RFPL4B: variants seen among roughly 807,000 people sequenced by gnomAD.
The protein encoded by RFPL4B is ret finger protein like 4B.
For missense variants in RFPL4B, 314 were observed against 327.7 expected (o/e 0.96, Z 0.32); for synonymous variants, 118 against 126.3 (o/e 0.93, Z 0.44).
At chr6:112,347,800 C>T (rs920583444) in intron 1 of RFPL4B, among the ~76,000 whole-genome samples, 2 of 152,124 alleles carry the variant, frequency 1.3e-5, no homozygotes, top group Non-Finnish European at 2.9e-5. Context: ...ATGGTGAAAC[C>T]CCGTCTCTAC....
chr6:112,349,361 A>C (rs1054269037), intron 2 of RFPL4B, 40 bp downstream of exon 2: 1 of 152,776 alleles, frequency 6.5e-6, no homozygotes, highest in African/African-American at 2.4e-5. Flanking sequence ...CCACTGTCCT[A>C]TTTCTGTCTT....
Position 112,349,823 on chromosome 6 carries a change from A to G in RFPL4B, c.115A>G (p.Ile39Val). The G allele has an allele frequency of 1.2e-6, 2 of 1,614,194 alleles. No homozygotes were observed. The highest frequency in any genetic ancestry group is 1.7e-6 in the Non-Finnish European group (2 of 1,180,028). The change falls in exon 3 of 3, where the codon ATA becomes GTA. Residue 39 changes from isoleucine to valine, a missense_variant. Ile to Val is a conservative substitution (Grantham distance 29). Coordinates refer to ENST00000441065, the MANE Select transcript of RFPL4B (RefSeq NM_001013734.3). ...CTGCTTTGATTGCATCCAGAGGTAT[A>G]TACTAGAAAACCATGATTTTAGAGC... The part of the protein sequence containing the change: ...VFCFDCIQRY[I>V]LENHDFRAMC...
In RFPL4B at chr6:112,349,598, A is replaced by T; in HGVS notation, c.-105-6A>T. On this transcript the variant is annotated splice_polypyrimidine_tract_variant and splice_region_variant and intron_variant, in intron 2 of 2. Transcript: ENST00000441065. ...ATTAATTTATATTATTTAATCTTGG[A>T]TTTAGACTATTGAAGAGTGGATTGT... 1.7e-6 allele frequency: 1 copy of T among 598,730 alleles called. No individual in the cohort carries two copies. Among genetic ancestry groups the T allele is most frequent in the South Asian group, 3.4e-5 (1 of 29,202 alleles). The allele number at this position is 598,730 out of a possible 1,614,324, so 37.1% of individuals were successfully genotyped here. A position where few individuals can be genotyped will look rare whatever the true frequency, so the allele number is the denominator to read the frequency against.
At position 112,349,656 on chromosome 6, in the gene RFPL4B, A is replaced by G; in HGVS notation, c.-53A>G. The G allele has an allele frequency of 6.5e-7, 1 of 1,534,324 alleles. No homozygotes were observed. On this transcript the variant is annotated 5_prime_UTR_variant, in exon 3 of 3. Coordinates refer to ENST00000441065, the MANE Select transcript of RFPL4B (RefSeq NM_001013734.3). Reference sequence around the variant, plus strand: ...GGGCTCCCAAGTGCTTCCAGAAGCCAATAAAGGATCACTTCAGTTTACTTC... The same window carrying G: ...GGGCTCCCAAGTGCTTCCAGAAGCCGATAAAGGATCACTTCAGTTTACTTC...
At chr6:112,347,974 C>CAA (rs879611349) in intron 1 of RFPL4B, among the ~76,000 whole-genome samples, 1 of 127,754 alleles carries the variant, frequency 7.8e-6, no homozygotes, top group Non-Finnish European at 1.7e-5. Context: ...GACTCCGTCT[C>CAA]AAAAAAAAAA....
rs1789144809 is a variant in RFPL4B at position 112,350,815 on chromosome 6, CTTATAGT to C, written c.*316_*322del. 4.2e-6 allele frequency: 1 copy of C among 237,652 alleles called. No homozygotes were observed. The highest frequency in any genetic ancestry group is 9.4e-5 in the East Asian group (1 of 10,684). 14.7% of individuals were successfully genotyped at this position (237,652 alleles called of 1,614,324 possible). On this transcript the variant is annotated 3_prime_UTR_variant, in exon 3 of 3. Transcript: ENST00000441065. The stretch of plus-strand genomic sequence containing the variant: ...ATTAGAGACAATACTATGCCTTTGT[CTTATAGT>C]AAATAACAAATAGAGAAATCTTAGA...
rs1267715596 is a variant in RFPL4B, at chr6:112,349,789, A to C, written c.81A>C (p.Thr27=). The part of the protein sequence containing the change: ...FFSCSISLSC[T]HVFCFDCIQR... ...CCTGTTCCATTTCTCTCTCTTGTAC[A>C]CACGTGTTCTGCTTTGATTGCATCC... Residue 27 remains threonine (T), a synonymous_variant, in exon 3 of 3, where the codon ACA becomes ACC. Transcript: ENST00000441065. 1 of 1,614,028 alleles carries C rather than the reference A, an allele frequency of 6.2e-7. No homozygotes were observed.
At chr6:112,349,033 C>G (rs2114260023) in intron 1 of RFPL4B, among the ~76,000 whole-genome samples, 160 bp from the exon 2 acceptor site, 1 of 152,284 alleles carries the variant, frequency 6.6e-6, no homozygotes, top group African/African-American at 2.4e-5. Flanking sequence ...TTATGGGCTT[C>G]TCATTTTGCA....
chr6:112,350,144 C>T lies in RFPL4B; in HGVS notation c.436C>T (p.His146Tyr), dbSNP rs1418389554. ...TACTCCCTGCTTCTCCTCCGGCCAA[C>T]ATTACTGGGAGGTTGAAGTGGGAGA... The part of the protein sequence containing the change: ...LGTPCFSSGQ[H>Y]YWEVEVGEVK... Residue 146 changes from histidine to tyrosine, a missense_variant, in exon 3 of 3, where the codon CAT (histidine) becomes TAT (tyrosine). Physicochemically the swap from His to Tyr is moderately conservative, Grantham distance 83 (BLOSUM62 2). Transcript: ENST00000441065. 6.2e-7 allele frequency: 1 copy of T among 1,614,090 alleles called. No homozygotes were observed. Among genetic ancestry groups the T allele is most frequent in the African/African-American group, 1.3e-5 (1 of 74,942 alleles).
In RFPL4B at chr6:112,347,341, A is replaced by C. The variant is rs1789093869; in HGVS notation, c.-301A>C. 1.3e-5 allele frequency: 2 copies of C among 152,196 alleles called. No homozygotes were observed. The highest frequency in any genetic ancestry group is 1.3e-4 in the Admixed American group (2 of 15,276). 9.4% of individuals were successfully genotyped at this position (152,196 alleles called of 1,614,324 possible). A position where few individuals can be genotyped will look rare whatever the true frequency, so the allele number is the denominator to read the frequency against. On this transcript the variant is annotated 5_prime_UTR_variant, in exon 1 of 3. Transcript: ENST00000441065. ...TCCGCGGAAACTCCGAGAGGAGCAG[A>C]GGTCTGTAGAGGTAGAGACGTAGGC... is the stretch of plus-strand genomic sequence containing the variant.
rs371649558 is a variant in RFPL4B, at chr6:112,349,763, T to C, written c.55T>C (p.Ser19Pro). The change falls in exon 3 of 3, where the codon TCC (serine) becomes CCC (proline). Residue 19 changes from serine to proline, a missense_variant. Coordinates refer to ENST00000441065, the MANE Select transcript of RFPL4B (RefSeq NM_001013734.3). ...LSCPVCLDFF[S>P]CSISLSCTHV... Reference sequence around the variant, plus strand: ...CTGTCCAGTTTGCCTGGATTTTTTCTCCTGTTCCATTTCTCTCTCTTGTAC... The same window carrying C: ...CTGTCCAGTTTGCCTGGATTTTTTCCCCTGTTCCATTTCTCTCTCTTGTAC... The C allele has an allele frequency of 6.2e-7, 1 of 1,614,024 alleles. No homozygotes were observed. The highest frequency in any genetic ancestry group is 1.3e-5 in the African/African-American group (1 of 74,924).
Position 112,350,148 on chromosome 6 carries a change from A to C in RFPL4B, c.440A>C (p.Tyr147Ser). The C allele has an allele frequency of 6.2e-7, 1 of 1,614,162 alleles. No individual in the cohort carries two copies. The highest frequency in any genetic ancestry group is 1.3e-5 in the African/African-American group (1 of 75,048). The change falls in exon 3 of 3, where the codon TAC (tyrosine) becomes TCC (serine). Residue 147 changes from tyrosine (Y) to serine (S), a missense_variant. Tyr to Ser is a moderately radical substitution (Grantham distance 144). Transcript: ENST00000441065. ...GTPCFSSGQH[Y>S]WEVEVGEVKS... ...CCCTGCTTCTCCTCCGGCCAACATT[A>C]CTGGGAGGTTGAAGTGGGAGAGGTG...
In RFPL4B at chr6:112,350,544, AT is replaced by A; in HGVS notation, c.*48del. 1 of 1,490,338 alleles carries A rather than the reference AT, an allele frequency of 6.7e-7. No individual in the cohort carries two copies. Among genetic ancestry groups the A allele is most frequent in the Non-Finnish European group, 9.0e-7 (1 of 1,107,238 alleles). The allele number at this position is 1,490,338 out of a possible 1,614,324, so 92.3% of individuals were successfully genotyped here. On this transcript the variant is annotated 3_prime_UTR_variant, in exon 3 of 3. Transcript: ENST00000441065. Reference sequence around the variant, plus strand: ...GAAGCTTTCTGAGAGGTGAAAGAGAATTTTGGCCTGAGAAAGGTCAGCATGA... The same window carrying A: ...GAAGCTTTCTGAGAGGTGAAAGAGAATTTGGCCTGAGAAAGGTCAGCATGA...
In RFPL4B at chr6:112,350,630, G is replaced by T; in HGVS notation, c.*130G>T. 1 of 730,694 alleles carries T rather than the reference G, an allele frequency of 1.4e-6. No individual in the cohort carries two copies. The highest frequency in any genetic ancestry group is 2.1e-6 in the Non-Finnish European group (1 of 467,382). The allele number at this position is 730,694 out of a possible 1,614,324, so 45.3% of individuals were successfully genotyped here. On this transcript the variant is annotated 3_prime_UTR_variant, in exon 3 of 3. Transcript: ENST00000441065. ...TTGGTAAATTTTTAAAGTAGATTTT[G>T]TAGACTTTGTAGCAAAACAATTTTC...
rs1046502636 is a variant in RFPL4B, at chr6:112,350,656, G to A, written c.*156G>A. On this transcript the variant is annotated 3_prime_UTR_variant, in exon 3 of 3. Coordinates refer to ENST00000441065, the MANE Select transcript of RFPL4B (RefSeq NM_001013734.3). Reference sequence around the variant, plus strand: ...TAGACTTTGTAGCAAAACAATTTTCGGATTTTTGGGGTAAATTTTGTGGAA... The same window carrying A: ...TAGACTTTGTAGCAAAACAATTTTCAGATTTTTGGGGTAAATTTTGTGGAA... 1.0e-5 allele frequency: 6 copies of A among 595,486 alleles called. No homozygotes were observed. Among genetic ancestry groups the A allele is most frequent in the South Asian group, 3.5e-5 (1 of 28,388 alleles). 36.9% of individuals were successfully genotyped at this position (595,486 alleles called of 1,614,324 possible). A position where few individuals can be genotyped will look rare whatever the true frequency, so the allele number is the denominator to read the frequency against.
At position 112,350,609 on chromosome 6, in the gene RFPL4B, T is replaced by A; in HGVS notation, c.*109T>A. ...AATGTGCTATAGTGCAAAGACTTGG[T>A]AAATTTTTAAAGTAGATTTTGTAGA... On this transcript the variant is annotated 3_prime_UTR_variant, in exon 3 of 3. Transcript: ENST00000441065. The A allele has an allele frequency of 1.2e-6, 1 of 849,282 alleles. No homozygotes were observed. Among genetic ancestry groups the A allele is most frequent in the Non-Finnish European group, 1.8e-6 (1 of 562,058 alleles). The allele number at this position is 849,282 out of a possible 1,614,324, so 52.6% of individuals were successfully genotyped here.
rs1220010788 is a variant in RFPL4B at position 112,351,217 on chromosome 6, CAA to C, written c.*721_*722del. 1.2e-5 allele frequency: 2 copies of C among 166,892 alleles called. No homozygotes were observed. Among genetic ancestry groups the C allele is most frequent in the Non-Finnish European group, 2.9e-5 (2 of 68,104 alleles). The allele number at this position is 166,892 out of a possible 1,614,324, so 10.3% of individuals were successfully genotyped here. On this transcript the variant is annotated 3_prime_UTR_variant, in exon 3 of 3. Coordinates refer to ENST00000441065, the MANE Select transcript of RFPL4B (RefSeq NM_001013734.3). ...ACCATGTTAACTAACACATATTCAT[CAA>C]AAATTGTTTTCAAGGTTGCTTTTGG...
In RFPL4B at chr6:112,350,676, G is replaced by A. The variant is rs78228643; in HGVS notation, c.*176G>A. ...TTTTCGGATTTTTGGGGTAAATTTT[G>A]TGGAATTTGTAGCTAGGTAACTGGG... On this transcript the variant is annotated 3_prime_UTR_variant, in exon 3 of 3. Coordinates refer to ENST00000441065, the MANE Select transcript of RFPL4B (RefSeq NM_001013734.3). 1,347 of 570,012 alleles carry A rather than the reference G, an allele frequency of 2.4e-3. 16 individuals carry two copies. The highest frequency in any genetic ancestry group is 0.023 in the African/African-American group (1,238 of 53,406). The allele number at this position is 570,012 out of a possible 1,614,324, so 35.3% of individuals were successfully genotyped here. A position where few individuals can be genotyped will look rare whatever the true frequency, so the allele number is the denominator to read the frequency against.
Position 112,350,209 on chromosome 6 carries a change from T to C in RFPL4B, c.501T>C (p.Ala167=), listed in dbSNP as rs1230179256. 2 of 1,614,194 alleles carry C rather than the reference T, an allele frequency of 1.2e-6. No homozygotes were observed. Among genetic ancestry groups the C allele is most frequent in the South Asian group, 2.2e-5 (2 of 91,086 alleles). Reference sequence around the variant, plus strand: ...CCCTGGGCGTCTGCAAGGAGCCGGCTGACAGAAAGAGCAATGATTTATTCC... The same window carrying C: ...CCCTGGGCGTCTGCAAGGAGCCGGCCGACAGAAAGAGCAATGATTTATTCC... ...SWSLGVCKEP[A]DRKSNDLFPE... Residue 167 remains alanine, a synonymous_variant, in exon 3 of 3, where the codon GCT becomes GCC. Coordinates refer to ENST00000441065, the MANE Select transcript of RFPL4B (RefSeq NM_001013734.3).
Sources: allele counts gnomAD v4.1 joint callset (sites outside exome capture counted in the v4.1 genomes callset), GRCh38; gene constraint gnomAD v4.1.1; transcripts MANE v1.5; gene names NCBI Gene and HGNC (gene_info 2026-07-23, HGNC 2026-07-21).